Variants in NMRAL1 observed in about 807,000 individuals in gnomAD.
NMRAL1 encodes the protein nmrA-like family domain-containing protein 1.
A neutral mutation model predicts 27.5 loss-of-function variants in NMRAL1; 32 were observed. The observed-to-expected ratio is 1.16, with a 90% CI of 0.88 to 1.56. The LOEUF (loss-of-function observed/expected upper bound fraction) is 1.56. Among genes scored for constraint, NMRAL1 ranks in the 40% most tolerant of loss-of-function variants. NMRAL1 has a pLI of 0.00. For synonymous variants in NMRAL1, 166 were observed against 166.8 expected, an observed-to-expected ratio of 1.00 and a Z score of 0.04; for missense variants, 420 against 392.0, an observed-to-expected ratio of 1.07 and a Z score of -0.60.
At chr16:4,463,252 AC>A (rs1370269751) in intron 5 of NMRAL1, among the ~76,000 whole-genome samples, 1 of 152,130 alleles carries the variant, frequency 6.6e-6, no homozygotes, top group African/African-American at 2.4e-5. Flanking sequence ...CCTCCTGCCC[AC>A]CCAGCCAGGC....
At chr16:4,473,291 G>A (rs1340823256) in intron 2 of NMRAL1, among the ~76,000 whole-genome samples, 1 of 151,958 alleles carries the variant, frequency 6.6e-6, no homozygotes, top group Admixed American at 6.6e-5. Flanking sequence ...TTGGAGTGAT[G>A]GAAATTTTCT....
chr16:4,465,255 T>C (rs910438067), intron 4 of NMRAL1, among the ~76,000 whole-genome samples: 19 of 152,198 alleles, frequency 1.2e-4, no homozygotes, highest in African/African-American at 4.6e-4. Context: ...AGGGCTACTG[T>C]TACCACCAGA....
Position 4,466,334 on chromosome 16 carries a change from G to A in NMRAL1, c.348C>T (p.Asn116=), listed in dbSNP as rs556109776. ...LHYVVYSGLE[N]IKKLTAGRLA... ...ATCTCCCTGCCGTCAGCTTCTTGAT[G>A]TTCTCCAGGCCGCTGTAGACCACAT... The change falls in exon 4 of 6, where the codon AAC becomes AAT. Residue 116 remains asparagine (N), a synonymous_variant. Coordinates refer to ENST00000283429, the MANE Select transcript of NMRAL1 (RefSeq NM_020677.6). The A allele has an allele frequency of 8.1e-6, 13 of 1,613,920 alleles. No individual in the cohort carries two copies. The African/African-American group carries it at 1.5e-4, about 18-fold the overall frequency.
upstream of NMRAL1, chr16:4,476,003 G>T (rs764640898): frequency 6.6e-6 from 1 of 152,250 alleles, no homozygotes; most frequent in Non-Finnish European, 1.5e-5. Context: ...GCAACAGGGA[G>T]ATCAGATACA....
At chr16:4,472,699 A>ACG (rs1306795228) in intron 2 of NMRAL1, among the ~76,000 whole-genome samples, 1 of 149,600 alleles carries the variant, frequency 6.7e-6, no homozygotes, top group African/African-American at 2.5e-5. Flanking sequence ...AGCAGAGATC[A>ACG]CGCCACTGCA....
intron 4 of NMRAL1, among the ~76,000 whole-genome samples, chr16:4,465,103 G>A (rs1003765429): frequency 1.3e-5 from 2 of 151,510 alleles, no homozygotes; most frequent in Non-Finnish European, 2.9e-5. Flanking sequence ...GTAGAGATGG[G>A]GTTTCACACC....
Position 4,466,085 on chromosome 16 carries a change from G to T in NMRAL1, c.529+68C>A, listed in dbSNP as rs577737267. Reference sequence around the variant, plus strand: ...CTGGCACCACGTGACAGCGGCCCGCGGTCTGTTACACCAACGGCTTTACAG... The same window carrying T: ...CTGGCACCACGTGACAGCGGCCCGCTGTCTGTTACACCAACGGCTTTACAG... On this transcript the variant is annotated intron_variant, in intron 4 of 5. Coordinates refer to ENST00000283429, the MANE Select transcript of NMRAL1 (RefSeq NM_020677.6). The T allele has an allele frequency of 2.8e-5, 44 of 1,585,178 alleles. No homozygotes were observed. The African/African-American group carries it at 5.1e-4, about 18-fold the overall frequency.
intron 3 of NMRAL1, chr16:4,467,166 A>G (rs2057362259): frequency 6.6e-6 from 1 of 152,250 alleles, no homozygotes; most frequent in Admixed American, 6.6e-5. Context: ...CTTTGTGGCC[A>G]CAAGCCCAGG....
At chr16:4,466,566 T>C in intron 3 of NMRAL1, 164 bp from the exon 4 acceptor site, 2 of 651,536 alleles carry the variant, frequency 3.1e-6, no homozygotes, top group Non-Finnish European at 5.2e-6. Flanking sequence ...TGTTCACACA[T>C]GACACCACGC....
At chr16:4,466,526 C>A (rs1376870103) in intron 3 of NMRAL1, 124 bp from the exon 4 acceptor site, 4 of 883,176 alleles carry the variant, frequency 4.5e-6, no homozygotes, top group Non-Finnish European at 5.2e-6. Flanking sequence ...ACCCCACTTA[C>A]CCTTGAGGAG....
intron 2 of NMRAL1, among the ~76,000 whole-genome samples, chr16:4,470,819 C>T (rs897680021): frequency 2.0e-5 from 3 of 150,986 alleles, no homozygotes; most frequent in African/African-American, 7.3e-5. Context: ...TGGTGGCGGG[C>T]GCCTGTAGTC....
intron 3 of NMRAL1, chr16:4,466,624 C>A (rs1360877607): frequency 1.7e-6 from 1 of 572,740 alleles, no homozygotes. Flanking sequence ...GACTCTGGCC[C>A]ACCATGTGCA....
chr16:4,463,552 A>G (rs1452810336), intron 5 of NMRAL1, 108 bp downstream of exon 5: 1 of 843,346 alleles, frequency 1.2e-6, no homozygotes, highest in Non-Finnish European at 1.8e-6. Flanking sequence ...TGAACGAATG[A>G]ATTTAGATGT....
intron 4 of NMRAL1, 114 bp downstream of exon 4, chr16:4,466,039 T>G (rs2057309233): frequency 7.6e-7 from 1 of 1,322,284 alleles, no homozygotes; most frequent in Non-Finnish European, 1.1e-6. Flanking sequence ...GGGCCTAACG[T>G]GAGGGAGCCA....
rs759202459 is a variant in NMRAL1, at chr16:4,474,073, C to T, written c.40+20G>A. 60 of 1,606,540 alleles carry T rather than the reference C, an allele frequency of 3.7e-5. No homozygotes were observed. In the South Asian group the frequency reaches 6.6e-4, roughly 18 times the overall value. On this transcript the variant is annotated intron_variant, in intron 2 of 5. Transcript: ENST00000283429. The stretch of plus-strand genomic sequence containing the variant: ...AGGCGCCCTGGCTCTGCAAGGGCCC[C>T]AGTCTGGGGTTTGGCTCACCTGTGC...
At chr16:4,469,552 A>G in intron 2 of NMRAL1, 87 bp from the exon 3 acceptor site, 1 of 1,569,496 alleles carries the variant, frequency 6.4e-7, no homozygotes, top group Admixed American at 1.9e-5. Context: ...GCTCCACCAC[A>G]GCAAGGAGCA....
At chr16:4,467,111 C>T (rs773505718) in intron 3 of NMRAL1, 1 of 152,218 alleles carries the variant, frequency 6.6e-6, no homozygotes, top group African/African-American at 2.4e-5. Flanking sequence ...GGAGAAGAGA[C>T]AACACCTGGA....
intron 3 of NMRAL1, among the ~76,000 whole-genome samples, chr16:4,467,336 C>G (rs1160230757): frequency 6.6e-6 from 1 of 152,118 alleles, no homozygotes; most frequent in Non-Finnish European, 1.5e-5. Flanking sequence ...TGGATTCAAG[C>G]AATTCTCCTG....
chr16:4,474,739 T>C (rs1202606242), upstream of NMRAL1: 1 of 152,444 alleles, frequency 6.6e-6, no homozygotes, highest in Non-Finnish European at 1.5e-5. Flanking sequence ...TAAATCCAGT[T>C]AGACCAAAAT....
Sources: gnomAD v4.1 joint callset for allele counts (sites outside exome capture counted in the v4.1 genomes callset) on GRCh38, gnomAD v4.1.1 for gene constraint, MANE v1.5 for transcripts, NCBI Gene and HGNC (gene_info 2026-07-23, HGNC 2026-07-21) for gene names.